The following YEATS2 variants were observed in gnomAD, a reference collection of about 807,000 sequenced individuals.
YEATS2 encodes the protein YEATS domain containing 2.
In YEATS2, 77 loss-of-function variants were observed where a neutral mutation model predicts 163.2. The ratio of observed to expected loss-of-function variants is 0.47; its 90% CI spans 0.39 to 0.57. The LOEUF (loss-of-function observed/expected upper bound fraction) is 0.57. YEATS2 is among the 20% of genes least tolerant of loss of function. The pLI is 0.00. For missense variants in YEATS2, 1,549 were observed against 1,729.8 expected, an observed-to-expected ratio of 0.90 and a Z score of 1.85; for synonymous variants, 631 against 645.1, an observed-to-expected ratio of 0.98 and a Z score of 0.33.
At chr3:183,703,373 C>A (rs879712905) in intron 1 of YEATS2, among the ~76,000 whole-genome samples, 1 of 152,062 alleles carries the variant, frequency 6.6e-6, no homozygotes, top group African/African-American at 2.4e-5. Flanking sequence ...ATTTTTTTGT[C>A]GGTACTAACT....
chr3:183,779,114 T>C (rs1005346710), intron 19 of YEATS2, among the ~76,000 whole-genome samples: 11 of 152,012 alleles, frequency 7.2e-5, no homozygotes, highest in African/African-American at 2.7e-4. Flanking sequence ...TTTCACCATG[T>C]TGGTCAGGCT....
chr3:183,771,888 A>T (rs1722515486), intron 15 of YEATS2, among the ~76,000 whole-genome samples: 1 of 151,656 alleles, frequency 6.6e-6, no homozygotes, highest in Non-Finnish European at 1.5e-5. Flanking sequence ...CACCATGCCC[A>T]GCTAATTTTT....
At chr3:183,801,572 G>A in intron 25 of YEATS2, 44 bp downstream of exon 25, 1 of 1,460,816 alleles carries the variant, frequency 6.8e-7, no homozygotes. Flanking sequence ...TTTGAAAGCT[G>A]TGAACTTAAG....
chr3:183,739,229 A>G (rs1718692019), intron 8 of YEATS2, among the ~76,000 whole-genome samples: 1 of 151,812 alleles, frequency 6.6e-6, no homozygotes, highest in South Asian at 2.1e-4. Flanking sequence ...TCAGCCCAAA[A>G]TCTCCTTAAG....
At chr3:183,759,049 G>A (rs970672495) in intron 13 of YEATS2, 84 bp downstream of exon 13, 5 of 936,538 alleles carry the variant, frequency 5.3e-6, no homozygotes, top group Non-Finnish European at 7.8e-6. Flanking sequence ...TGGAGATGGG[G>A]TCTCCCCGTA....
chr3:183,793,609 C>CTTTTTTTTTTTTTT (rs35098553), intron 21 of YEATS2: 6 of 109,374 alleles, frequency 5.5e-5, no homozygotes, highest in Admixed American at 1.3e-4. Flanking sequence ...TTCTTTCTTT[C>CTTTTTTTTTTTTTT]TTTTTTTTTT....
intron 19 of YEATS2, among the ~76,000 whole-genome samples, chr3:183,785,806 C>T (rs1171299812): frequency 2.0e-5 from 3 of 152,116 alleles, no homozygotes; most frequent in Non-Finnish European, 4.4e-5. Flanking sequence ...AAAGATTATA[C>T]GTACATTTAA....
intron 6 of YEATS2, among the ~76,000 whole-genome samples, chr3:183,726,138 G>GTCTC (rs1330559157): frequency 6.6e-6 from 1 of 151,822 alleles, no homozygotes; most frequent in East Asian, 1.9e-4. Flanking sequence ...AGAGATTGGA[G>GTCTC]TCTCTGCGTT....
Position 183,808,235 on chromosome 3 carries a change from C to T in YEATS2, c.4086+131C>T, listed in dbSNP as rs1002086048. On this transcript the variant is annotated intron_variant, in intron 29 of 30. Coordinates refer to ENST00000305135, the MANE Select transcript of YEATS2 (RefSeq NM_018023.5). ...GTCTCGTCTTATTTGGGCTTAAGTT[C>T]TCTCTTTTTGTTTTTTTGTTTTTTT... 7.1e-5 allele frequency: 51 copies of T among 717,312 alleles called. 3 individuals carry two copies. In the South Asian group the frequency reaches 1.1e-3, roughly 15 times the overall value. The allele number at this position is 717,312 out of a possible 1,614,324, so 44.4% of individuals were successfully genotyped here.
At chr3:183,771,229 C>A (rs1037879069) in intron 15 of YEATS2, among the ~76,000 whole-genome samples, 3 of 152,150 alleles carry the variant, frequency 2.0e-5, no homozygotes, top group Non-Finnish European at 2.9e-5. Flanking sequence ...GGGTGAACAG[C>A]ACTTCCTATT....
At chr3:183,730,084 TTTTG>T (rs1392287498) in intron 7 of YEATS2, among the ~76,000 whole-genome samples, 5 of 81,892 alleles carry the variant, frequency 6.1e-5, no homozygotes, top group Admixed American at 1.6e-4. Context: ...TTTTTTTTTT[TTTTG>T]GAGACACATC....
At chr3:183,781,134 A>C (rs263012) in intron 19 of YEATS2, among the ~76,000 whole-genome samples, 75,498 of 151,972 alleles carry the variant, frequency 0.5, 19,221 homozygotes, top group East Asian at 0.65. Flanking sequence ...ATTAAGAGGA[A>C]ATTTATTATG....
intron 11 of YEATS2, among the ~76,000 whole-genome samples, chr3:183,755,973 C>T (rs1262020591): frequency 1.3e-5 from 2 of 151,760 alleles, no homozygotes; most frequent in Admixed American, 6.6e-5. Flanking sequence ...CTCGAACTCA[C>T]AACCTCAGGT....
At chr3:183,711,415 G>T (rs1397721788) in intron 1 of YEATS2, among the ~76,000 whole-genome samples, 1 of 148,738 alleles carries the variant, frequency 6.7e-6, no homozygotes, top group East Asian at 2.0e-4. Flanking sequence ...GGAGCTTGCA[G>T]TGAGCTGAGA....
intron 17 of YEATS2, 26 bp from the exon 18 acceptor site, chr3:183,775,889 G>A: frequency 6.2e-7 from 1 of 1,611,044 alleles, no homozygotes; most frequent in Non-Finnish European, 8.5e-7. Flanking sequence ...TTTTTATGAT[G>A]TTGCTGTCAT....
chr3:183,725,198 A>G (rs1391827026), intron 6 of YEATS2, among the ~76,000 whole-genome samples: 1 of 152,066 alleles, frequency 6.6e-6, no homozygotes, highest in African/African-American at 2.4e-5. Flanking sequence ...CACAAAGGAT[A>G]AATAAGGGGA....
intron 6 of YEATS2, among the ~76,000 whole-genome samples, chr3:183,725,207 G>A (rs1716959370): frequency 6.6e-6 from 1 of 152,062 alleles, no homozygotes; most frequent in South Asian, 2.1e-4. Context: ...TAAATAAGGG[G>A]AAGATGTTTG....
In YEATS2 at chr3:183,717,832, GT is replaced by G. The variant is rs1716059854; in HGVS notation, c.198+85del. ...TTGAAAAATAATCTATTGAGATGGAGTCACAGTTTGCTTTATCCTCCTCTTT... is the reference window on the plus strand; with the variant it reads ...TTGAAAAATAATCTATTGAGATGGAGCACAGTTTGCTTTATCCTCCTCTTT... On this transcript the variant is annotated intron_variant, in intron 3 of 30. Transcript: ENST00000305135. The G allele has an allele frequency of 1.2e-5, 8 of 660,344 alleles. No individual in the cohort carries two copies. In the East Asian group the frequency reaches 2.9e-4, roughly 24 times the overall value. 40.9% of individuals were successfully genotyped at this position (660,344 alleles called of 1,614,324 possible).
rs1317488037 is a variant in YEATS2 at position 183,697,841 on chromosome 3, G to C, written c.-172G>C. On this transcript the variant is annotated 5_prime_UTR_variant, in exon 1 of 31. Transcript: ENST00000305135. ...GTGCGGGGCGGAACGCGCCGGGCGG[G>C]CTCCACCGCGCCGTGTGCTTCCGCA... The C allele has an allele frequency of 1.3e-5, 2 of 150,564 alleles. No individual in the cohort carries two copies. Among genetic ancestry groups the C allele is most frequent in the African/African-American group, 4.9e-5 (2 of 41,144 alleles). 9.3% of individuals were successfully genotyped at this position (150,564 alleles called of 1,614,324 possible).
Sources: allele counts gnomAD v4.1 joint callset (sites outside exome capture counted in the v4.1 genomes callset), GRCh38; gene constraint gnomAD v4.1.1; transcripts MANE v1.5; gene names NCBI Gene and HGNC (gene_info 2026-07-23, HGNC 2026-07-21).